The following MTAP variants were observed in gnomAD, a reference collection of about 807,000 sequenced individuals.
The protein encoded by MTAP is methylthioadenosine phosphorylase.
Under a neutral mutation model 33.6 loss-of-function variants are expected in MTAP, and 33 were observed. That is an observed-to-expected ratio of 0.98 (90% confidence interval 0.74 to 1.31). The LOEUF (loss-of-function observed/expected upper bound fraction) is 1.31, where lower values mean the gene tolerates loss of function less well. Among genes scored for constraint, MTAP ranks in the 40% most tolerant of loss-of-function variants. MTAP has a pLI of 0.00. For missense variants in MTAP, 367 were observed against 360.0 expected (o/e 1.02, Z -0.16); for synonymous variants, 148 against 125.7 (o/e 1.18, Z -1.19).
intron 1 of MTAP, among the ~76,000 whole-genome samples, chr9:21,911,215 A>G (rs554023387): frequency 6.6e-6 from 1 of 152,316 alleles, no homozygotes; most frequent in South Asian, 2.1e-4. Flanking sequence ...AACATTAGAC[A>G]GATCAATGAG....
At chr9:21,854,511 G>A (rs1825589171) in intron 5 of MTAP, 120 bp from the exon 6 acceptor site, 3 of 1,329,056 alleles carry the variant, frequency 2.3e-6, no homozygotes, top group Admixed American at 5.0e-5. Context: ...CAGATAGTAG[G>A]CATTTATTAT....
intron 6 of MTAP, among the ~76,000 whole-genome samples, chr9:21,855,118 A>T (rs1336359998): frequency 6.6e-6 from 1 of 152,232 alleles, no homozygotes; most frequent in African/African-American, 2.4e-5. Flanking sequence ...TGAGAATCAT[A>T]CTAAGACTTG....
At position 21,880,004 on chromosome 9, in the gene MTAP, A is replaced by G. The variant is rs571016295; in HGVS notation, c.147+25134A>G. ...TTCAGTCATGGAAAATCTAAGGATT[A>G]TGTGTCTTCACGATGATCTTTTGTA... On this transcript the variant is annotated intron_variant, in intron 1 of 1. Coordinates refer to the MTAP transcript ENST00000577563. 2.6e-5 allele frequency among the ~76,000 whole-genome samples: 4 copies of G among 152,204 alleles called. No individual in the cohort carries two copies. In the South Asian group the frequency reaches 6.2e-4, roughly 24 times the overall value.
chr9:21,818,317 C>CTT (rs35709813), intron 4 of MTAP, 115 bp downstream of exon 4: 3,001 of 239,796 alleles, frequency 0.013, 76 homozygotes, highest in South Asian at 0.022. Flanking sequence ...GACTCGCTTG[C>CTT]TTTTTTTTTT....
At chr9:21,861,311 T>TCA (rs1825747390) in intron 7 of MTAP, 1 of 152,074 alleles carries the variant, frequency 6.6e-6, no homozygotes, top group Non-Finnish European at 1.5e-5. Context: ...AAGGAGGATT[T>TCA]TATATATATG....
At chr9:21,877,968 C>T (rs1314247252) in intron 1 of MTAP, among the ~76,000 whole-genome samples, 4 of 152,084 alleles carry the variant, frequency 2.6e-5, no homozygotes, top group African/African-American at 9.7e-5. Context: ...TATAATTTGG[C>T]TGTGAATCTG....
intron 1 of MTAP, chr9:21,811,861 C>T (rs992036027): frequency 2.3e-4 from 99 of 433,938 alleles, no homozygotes; most frequent in African/African-American, 1.3e-3. Flanking sequence ...TGAAGGTGGC[C>T]GGACATCTTT....
chr9:21,841,969 A>G (rs887137742), intron 5 of MTAP, among the ~76,000 whole-genome samples: 2 of 152,258 alleles, frequency 1.3e-5, no homozygotes, highest in African/African-American at 4.8e-5. Flanking sequence ...AAGATTGGTT[A>G]TTAAGCTACT....
At chr9:21,809,685 G>A (rs1824296576) in intron 1 of MTAP, among the ~76,000 whole-genome samples, 3 of 151,944 alleles carry the variant, frequency 2.0e-5, no homozygotes, top group Admixed American at 2.0e-4. Context: ...CCTAGAGCAG[G>A]TTGCTTAGTT....
chr9:21,860,908 A>G (rs909490262), intron 7 of MTAP: 1 of 152,098 alleles, frequency 6.6e-6, no homozygotes, highest in Non-Finnish European at 1.5e-5. Context: ...ATGCCCAGCT[A>G]GTTTTTATAT....
At chr9:21,885,779 GGTGTGTGTGTGTGT>G (rs34691018) in intron 1 of MTAP, among the ~76,000 whole-genome samples, 1,954 of 144,434 alleles carry the variant, frequency 0.014, 46 homozygotes, top group African/African-American at 0.045. Flanking sequence ...AGTATTACAT[GGTGTGTGTGTGTGT>G]GTGTGTGTGT....
intron 1 of MTAP, among the ~76,000 whole-genome samples, chr9:21,903,407 AGAG>A (rs1829453109): frequency 6.6e-6 from 1 of 152,226 alleles, no homozygotes. Flanking sequence ...GCTTCTGGAT[AGAG>A]GAGATGGAAA....
At chr9:21,813,563 G>A (rs528057342) in intron 1 of MTAP, among the ~76,000 whole-genome samples, 3 of 152,312 alleles carry the variant, frequency 2.0e-5, no homozygotes, top group African/African-American at 7.2e-5. Flanking sequence ...AACTCAGAGG[G>A]TGGCTCCAAA....
intron 1 of MTAP, among the ~76,000 whole-genome samples, chr9:21,881,287 A>G (rs1380679776): frequency 6.6e-6 from 1 of 152,058 alleles, no homozygotes; most frequent in Non-Finnish European, 1.5e-5. Flanking sequence ...CACAAGACCA[A>G]CAACCATGAA....
downstream of MTAP, among the ~76,000 whole-genome samples, chr9:21,869,960 TC>T (rs1825912069): frequency 6.6e-6 from 1 of 152,182 alleles, no homozygotes; most frequent in African/African-American, 2.4e-5. Flanking sequence ...CTCTCTGACT[TC>T]CTCTCACTAC....
At chr9:21,845,302 C>T (rs930838999) in intron 5 of MTAP, among the ~76,000 whole-genome samples, 6 of 152,126 alleles carry the variant, frequency 3.9e-5, no homozygotes, top group Non-Finnish European at 7.4e-5. Context: ...ATCCAAAAAG[C>T]TCCTAGATAA....
chr9:21,863,382 T>A lies in MTAP; in HGVS notation c.*1368T>A, dbSNP rs1187531049. Reference sequence around the variant, plus strand: ...CAGCACTGTGGGAGGCCGAGACGGGTGGATCACAAGGTCAGGAGATCGAGA... The same window carrying A: ...CAGCACTGTGGGAGGCCGAGACGGGAGGATCACAAGGTCAGGAGATCGAGA... On this transcript the variant is annotated 3_prime_UTR_variant, in exon 8 of 8. Coordinates refer to ENST00000644715, the MANE Select transcript of MTAP (RefSeq NM_002451.4). 5.0e-5 allele frequency: 43 copies of A among 868,454 alleles called. No individual in the cohort carries two copies. Among genetic ancestry groups the A allele is most frequent in the Admixed American group, 6.2e-5 (1 of 16,080 alleles). The allele number at this position is 868,454 out of a possible 1,614,324, so 53.8% of individuals were successfully genotyped here.
At chr9:21,886,929 A>G (rs1373683082) in intron 1 of MTAP, among the ~76,000 whole-genome samples, 2 of 152,168 alleles carry the variant, frequency 1.3e-5, no homozygotes, top group Admixed American at 1.3e-4. Context: ...GGGCTATTTC[A>G]TAGTTCCATT....
chr9:21,899,600 G>T (rs1249914845), intron 1 of MTAP, among the ~76,000 whole-genome samples: 1 of 152,084 alleles, frequency 6.6e-6, no homozygotes, highest in Non-Finnish European at 1.5e-5. Flanking sequence ...TTCTTTACAG[G>T]GTGGCAGGAC....
Sources: allele counts gnomAD v4.1 joint callset (sites outside exome capture counted in the v4.1 genomes callset), GRCh38; gene constraint gnomAD v4.1.1; transcripts MANE v1.5; gene names NCBI Gene and HGNC (gene_info 2026-07-23, HGNC 2026-07-21).